PCDHA2: variants seen among roughly 807,000 people sequenced by gnomAD.
PCDHA2 encodes the protein protocadherin alpha 2, also known as protocadherin alpha-2.
Under a neutral mutation model 66.0 loss-of-function variants are expected in PCDHA2, and 58 were observed. The ratio of observed to expected loss-of-function variants is 0.88; its 90% CI spans 0.71 to 1.09. The LOEUF (loss-of-function observed/expected upper bound fraction) is 1.09, where lower values mean the gene tolerates loss of function less well. Among genes scored for constraint, PCDHA2 ranks in the 50% least tolerant of loss-of-function variants. The pLI is 0.00. For missense variants in PCDHA2, 1,267 were observed against 1,242.3 expected (o/e 1.02, Z -0.30); for synonymous variants, 634 against 554.0 (o/e 1.14, Z -2.03).
intron 3 of PCDHA2, among the ~76,000 whole-genome samples, chr5:141,003,237 T>G (rs1357530548): frequency 6.6e-6 from 1 of 152,228 alleles, no homozygotes; most frequent in Non-Finnish European, 1.5e-5. Flanking sequence ...CTGGAAATTT[T>G]GCCAAAAAGA....
chr5:140,876,017 T>C lies in PCDHA2; in HGVS notation c.2388+78665T>C, dbSNP rs371785405. The C allele has an allele frequency of 8.7e-6, 14 of 1,613,124 alleles. No homozygotes were observed. Among genetic ancestry groups the C allele is most frequent in the Admixed American group, 3.3e-5 (2 of 59,812 alleles). ...CTAAATGAGAATTTTGAGCTTAAAA[T>C]AAAAACAAAAAAAGATAAAAGTATA... On this transcript the variant is annotated intron_variant, in intron 1 of 3. Transcript: ENST00000526136.
At position 140,795,794 on chromosome 5, in the gene PCDHA2, T is replaced by C. The variant is rs199883861; in HGVS notation, c.830T>C (p.Ile277Thr). Residue 277 changes from isoleucine to threonine, a missense_variant, in exon 1 of 4, where the codon ATT (isoleucine) becomes ACT (threonine). By Grantham distance (89) the Ile-to-Thr change is moderately conservative. Coordinates refer to ENST00000526136, the MANE Select transcript of PCDHA2 (RefSeq NM_018905.3). ...GCAGATGAAGGACCGAACAGCGAGA[T>C]TGTGTATTCACTCGGTAGTGATGTG... ...SDADEGPNSE[I>T]VYSLGSDVSS... is the part of the protein sequence containing the mutation. The C allele has an allele frequency of 2.3e-5, 37 of 1,613,644 alleles. 1 individual carries two copies. The South Asian group carries it at 3.3e-4, about 14-fold the overall frequency.
chr5:140,807,657 C>A (rs1554124181), intron 1 of PCDHA2: 3 of 1,614,102 alleles, frequency 1.9e-6, no homozygotes, highest in Non-Finnish European at 2.5e-6. Context: ...CTAGAGGGCG[C>A]CTCGGATGCA....
intron 1 of PCDHA2, chr5:140,877,005 C>A (rs1433546348): frequency 6.2e-7 from 1 of 1,612,356 alleles, no homozygotes; most frequent in African/African-American, 1.3e-5. Flanking sequence ...TGTCGGTGCA[C>A]GCGGAGAGCG....
At chr5:140,996,094 T>C (rs1428375932) in intron 3 of PCDHA2, among the ~76,000 whole-genome samples, 1 of 152,192 alleles carries the variant, frequency 6.6e-6, no homozygotes, top group Non-Finnish European at 1.5e-5. Flanking sequence ...CTAGATTACA[T>C]GGAATGGTAT....
At chr5:140,852,214 ATTTTAAT>A (rs2042272787) in intron 1 of PCDHA2, 1 of 644,752 alleles carries the variant, frequency 1.6e-6, no homozygotes, top group Non-Finnish European at 2.0e-6. Flanking sequence ...AAAACAAAAT[ATTTTAAT>A]TTTTAAATTT....
intron 3 of PCDHA2, among the ~76,000 whole-genome samples, chr5:141,006,790 T>A (rs1318848521): frequency 6.6e-6 from 1 of 152,130 alleles, no homozygotes; most frequent in African/African-American, 2.4e-5. Context: ...AATAATTAGC[T>A]TTGAACTTTC....
At chr5:140,988,831 A>G (rs1005821454) in intron 3 of PCDHA2, 6 of 152,208 alleles carry the variant, frequency 3.9e-5, no homozygotes, top group Non-Finnish European at 7.3e-5. Flanking sequence ...AACAGAGATC[A>G]CGTGTCTCCT....
Position 140,908,048 on chromosome 5 carries a change from C to T in PCDHA2, c.2389-70901C>T, listed in dbSNP as rs143198443. On this transcript the variant is annotated intron_variant, in intron 1 of 3. Transcript: ENST00000526136. The stretch of plus-strand genomic sequence containing the variant: ...ATTAATCAGTATATAATTGCACATC[C>T]GGCCATTTCTCCTTCATGAAAAGTG... 1.1e-3 allele frequency among the ~76,000 whole-genome samples: 169 copies of T among 152,294 alleles called. 1 individual carries two copies. The East Asian group carries it at 0.023, about 21-fold the overall frequency.
At position 140,850,688 on chromosome 5, in the gene PCDHA2, G is replaced by A. The variant is rs2150494137; in HGVS notation, c.2388+53336G>A. On this transcript the variant is annotated intron_variant, in intron 1 of 3. Coordinates refer to ENST00000526136, the MANE Select transcript of PCDHA2 (RefSeq NM_018905.3). ...GCTCGGCGATGCCCACCGAGGGCGA[G>A]TGCGCGCCTGGCAAGCCGACGCTGG... The A allele has an allele frequency of 4.4e-6, 7 of 1,598,388 alleles. 1 individual carries two copies. The African/African-American group carries it at 8.1e-5, about 18-fold the overall frequency.
chr5:140,817,033 C>A (rs1483368606), intron 1 of PCDHA2: 2 of 152,134 alleles, frequency 1.3e-5, no homozygotes, highest in Admixed American at 1.3e-4. Context: ...AGAGAGAGTG[C>A]TGAGCTGAGT....
intron 1 of PCDHA2, among the ~76,000 whole-genome samples, chr5:140,910,353 A>G (rs938677700): frequency 1.1e-4 from 16 of 152,306 alleles, no homozygotes; most frequent in African/African-American, 3.8e-4. Context: ...TCTGCTGTCC[A>G]TTATGGTAGC....
chr5:140,857,428 G>T (rs782142394), intron 1 of PCDHA2: 3 of 1,598,342 alleles, frequency 1.9e-6, no homozygotes, highest in Non-Finnish European at 2.6e-6. Context: ...CCGAGTACAC[G>T]GTGTTCGTGA....
At chr5:140,867,932 T>C (rs2050205695) in intron 1 of PCDHA2, 1 of 152,146 alleles carries the variant, frequency 6.6e-6, no homozygotes, top group Non-Finnish European at 1.5e-5. Context: ...TTCCCTTGTT[T>C]TCCATGAACT....
chr5:140,810,043 C>G (rs1483252615), intron 1 of PCDHA2: 1 of 154,640 alleles, frequency 6.5e-6, no homozygotes, highest in Non-Finnish European at 1.4e-5. Context: ...CCTTTTATAA[C>G]TGTTTGTTCG....
At chr5:140,983,542 C>A (rs1554245538) in intron 3 of PCDHA2, among the ~76,000 whole-genome samples, 1 of 152,152 alleles carries the variant, frequency 6.6e-6, no homozygotes, top group African/African-American at 2.4e-5. Flanking sequence ...TGTGTGGTCT[C>A]ATTTATTCCT....
At chr5:140,891,424 G>A (rs932574419) in intron 1 of PCDHA2, among the ~76,000 whole-genome samples, 1 of 146,144 alleles carries the variant, frequency 6.8e-6, no homozygotes, top group Non-Finnish European at 1.5e-5. Context: ...TTGCCCCCAA[G>A]TCCCCAACGT....
intron 1 of PCDHA2, chr5:140,853,984 T>A: frequency 1.9e-6 from 1 of 534,780 alleles, no homozygotes; most frequent in Non-Finnish European, 2.5e-6. Context: ...ACCAATGTAG[T>A]GAGACTCATC....
chr5:140,812,651 G>A (rs1235837945), intron 1 of PCDHA2: 1 of 152,044 alleles, frequency 6.6e-6, no homozygotes, highest in Non-Finnish European at 1.5e-5. Context: ...TAAGAGACAA[G>A]ATCTCACTAT....
Sources: allele counts gnomAD v4.1 joint callset (sites outside exome capture counted in the v4.1 genomes callset), GRCh38; gene constraint gnomAD v4.1.1; transcripts MANE v1.5; gene names NCBI Gene and HGNC (gene_info 2026-07-23, HGNC 2026-07-21).